Variants in ARHGAP6 observed in about 807,000 individuals in gnomAD.
ARHGAP6 encodes the protein rho GTPase-activating protein 6.
A neutral mutation model predicts 55.7 loss-of-function variants in ARHGAP6; 16 were observed. The ratio of observed to expected loss-of-function variants is 0.29; its 90% confidence interval spans 0.19 to 0.44. The LOEUF is 0.44. Ranked by LOEUF, ARHGAP6 falls within the 20% of genes least tolerant of loss-of-function variation. The pLI, the probability that ARHGAP6 is intolerant of heterozygous loss-of-function variation, is 1.00. For missense variants in ARHGAP6, 698 were observed against 808.9 expected, an observed-to-expected ratio of 0.86 and a Z score of 1.66; for synonymous variants, 382 against 360.9, an observed-to-expected ratio of 1.06 and a Z score of -0.66.
chrX:11,397,537 A>G (rs1030081178), intron 1 of ARHGAP6, among the ~76,000 whole-genome samples: 1 of 111,873 alleles, frequency 8.9e-6, no homozygotes, highest in African/African-American at 3.2e-5. Flanking sequence ...GTGACAATGT[A>G]TATTTTATCT....
intron 1 of ARHGAP6, among the ~76,000 whole-genome samples, chrX:11,356,394 C>T (rs1767330958): frequency 9.0e-6 from 1 of 111,665 alleles, no homozygotes; most frequent in Non-Finnish European, 1.9e-5. Context: ...CAAACCTGCA[C>T]ATTCTGCACA....
intron 1 of ARHGAP6, among the ~76,000 whole-genome samples, chrX:11,447,245 A>G (rs1008580880): frequency 8.9e-6 from 1 of 112,467 alleles, no homozygotes; most frequent in Non-Finnish European, 1.9e-5. Context: ...ATCTGTAGTT[A>G]GAACCTTCCA....
intron 1 of ARHGAP6, among the ~76,000 whole-genome samples, chrX:11,443,562 T>C (rs913018735): frequency 9.8e-5 from 11 of 112,071 alleles, no homozygotes; most frequent in Non-Finnish European, 1.3e-4. Flanking sequence ...ATGCTTGATA[T>C]TGTCAGCTCT....
Position 11,403,133 on chromosome X carries a change from C to T in ARHGAP6, c.589-148426G>A, listed in dbSNP as rs890834851. ...TACTACGAAATGTGAAAACACAGCT[C>T]TGTATCCTCCCCACCTGTGAAGATA... On this transcript the variant is annotated intron_variant, in intron 1 of 12. Coordinates refer to ENST00000337414, the MANE Select transcript of ARHGAP6 (RefSeq NM_013427.3). Among the ~76,000 whole-genome samples the T allele has an allele frequency of 4.5e-5, 5 of 111,859 alleles. No homozygotes were observed. The Admixed American group carries it at 4.8e-4, about 11-fold the overall frequency.
At chrX:11,593,594 A>G (rs983322377) in intron 1 of ARHGAP6, among the ~76,000 whole-genome samples, 13 of 112,025 alleles carry the variant, frequency 1.2e-4, no homozygotes, top group African/African-American at 4.2e-4. Flanking sequence ...TTTGGGTGAT[A>G]AAGATATGTC....
intron 1 of ARHGAP6, among the ~76,000 whole-genome samples, chrX:11,356,684 T>G (rs930416944): frequency 5.4e-5 from 6 of 111,549 alleles, no homozygotes; most frequent in African/African-American, 2.0e-4. Context: ...TAATGTCTGA[T>G]GGGACATTAA....
intron 1 of ARHGAP6, among the ~76,000 whole-genome samples, chrX:11,286,319 C>T (rs765214677): frequency 1.9e-4 from 21 of 110,653 alleles, no homozygotes; most frequent in African/African-American, 5.9e-4. Flanking sequence ...TTTTAGTGAC[C>T]GAAAAAATGA....
intron 1 of ARHGAP6, among the ~76,000 whole-genome samples, chrX:11,551,822 A>T (rs188126422): frequency 8.9e-6 from 1 of 111,811 alleles, no homozygotes; most frequent in Non-Finnish European, 1.9e-5. Flanking sequence ...CAAACCATTA[A>T]AACTAGGAGA....
intron 1 of ARHGAP6, among the ~76,000 whole-genome samples, chrX:11,269,669 T>A (rs1324758294): frequency 2.7e-5 from 3 of 111,957 alleles, no homozygotes; most frequent in African/African-American, 9.7e-5. Context: ...GTTCATCTGC[T>A]GCCTTACAGT....
chrX:11,615,869 C>A (rs549496873), intron 1 of ARHGAP6, among the ~76,000 whole-genome samples: 3 of 111,938 alleles, frequency 2.7e-5, no homozygotes, highest in Middle Eastern at 4.6e-3. Flanking sequence ...GAGGATGAAA[C>A]TATGTTAACA....
At chrX:11,382,378 ATAAT>A (rs1241338173) in intron 1 of ARHGAP6, among the ~76,000 whole-genome samples, 2 of 111,633 alleles carry the variant, frequency 1.8e-5, no homozygotes, top group East Asian at 5.6e-4. Context: ...TATATTAATA[ATAAT>A]TAAATAAAGA....
chrX:11,188,342 T>G lies in ARHGAP6; in HGVS notation c.1077+386A>C, dbSNP rs73494716. On this transcript the variant is annotated intron_variant, in intron 4 of 12. Coordinates refer to ENST00000337414, the MANE Select transcript of ARHGAP6 (RefSeq NM_013427.3). The stretch of plus-strand genomic sequence containing the variant: ...CACCGCCAATTCATTTGGCCAGGCA[T>G]GTTCTCAGACTGGTGATGAAGAAAG... Among the ~76,000 whole-genome samples, 600 of 112,408 alleles carry G rather than the reference T, an allele frequency of 5.3e-3. 5 individuals are homozygous for G. The highest frequency in any genetic ancestry group is 0.018 in the African/African-American group (552 of 30,953).
At position 11,453,854 on chromosome X, in the gene ARHGAP6, T is replaced by A. The variant is rs141447932; in HGVS notation, c.589-199147A>T. Among the ~76,000 whole-genome samples the A allele has an allele frequency of 5.4e-5, 6 of 112,148 alleles. No homozygotes were observed. In the East Asian group the frequency reaches 1.7e-3, roughly 31 times the overall value. On this transcript the variant is annotated intron_variant, in intron 1 of 12. Transcript: ENST00000337414. ...CATTTTAAGATGCATTAATAATGTA[T>A]CTTCCTGAGAAATCTCTTGTGGTTT...
At chrX:11,204,893 G>A (rs1406989963) in intron 2 of ARHGAP6, among the ~76,000 whole-genome samples, 1 of 111,976 alleles carries the variant, frequency 8.9e-6, no homozygotes, top group Non-Finnish European at 1.9e-5. Context: ...GACCTCCACT[G>A]TTTCCATGTG....
rs2048134522 is a variant in ARHGAP6, at chrX:11,299,059, A to T, written c.589-44352T>A. 3.8e-6 allele frequency: 4 copies of T among 1,053,588 alleles called. No homozygotes were observed. In the Admixed American group the frequency reaches 1.0e-4, roughly 27 times the overall value. 86.8% of individuals were successfully genotyped at this position (1,053,588 alleles called of 1,213,427 possible). A position where few individuals can be genotyped will look rare whatever the true frequency, so the allele number is the denominator to read the frequency against. On this transcript the variant is annotated intron_variant, in intron 1 of 12. Coordinates refer to ENST00000337414, the MANE Select transcript of ARHGAP6 (RefSeq NM_013427.3). ...CCCCAGAGTTCTAAGGTCTCCGACAACCAAGGATCTAGAGTTGTAGTAGTT... is the reference window on the plus strand; with the variant it reads ...CCCCAGAGTTCTAAGGTCTCCGACATCCAAGGATCTAGAGTTGTAGTAGTT...
intron 1 of ARHGAP6, among the ~76,000 whole-genome samples, chrX:11,415,322 G>T (rs1879522001): frequency 9.0e-6 from 1 of 111,131 alleles, no homozygotes; most frequent in African/African-American, 3.3e-5. Flanking sequence ...TGTCTACTCA[G>T]TCTTTCTCCA....
chrX:11,448,076 C>T (rs1280810854), intron 1 of ARHGAP6, among the ~76,000 whole-genome samples: 1 of 112,507 alleles, frequency 8.9e-6, no homozygotes, highest in African/African-American at 3.2e-5. Context: ...CTTCTCCACA[C>T]TTATGCTTTC....
At chrX:11,309,186 T>C (rs1243386768) in intron 1 of ARHGAP6, among the ~76,000 whole-genome samples, 2 of 112,046 alleles carry the variant, frequency 1.8e-5, no homozygotes, top group Non-Finnish European at 3.8e-5. Flanking sequence ...GGTCCTACCT[T>C]GCTTCTAGCA....
In ARHGAP6 at chrX:11,657,020, G is replaced by A. The variant is rs191162641; in HGVS notation, c.588+7221C>T. Among the ~76,000 whole-genome samples the A allele has an allele frequency of 1.8e-3, 204 of 112,061 alleles. 1 individual carries two copies. The highest frequency in any genetic ancestry group is 3.4e-3 in the Non-Finnish European group (179 of 53,218). The stretch of plus-strand genomic sequence containing the variant: ...CATTCCTAGTGTCCATTGCATAGCT[G>A]GCATGCGATAAATATTTGATGACTA... On this transcript the variant is annotated intron_variant, in intron 1 of 12. Coordinates refer to ENST00000337414, the MANE Select transcript of ARHGAP6 (RefSeq NM_013427.3).
Sources: allele counts gnomAD v4.1 joint callset (sites outside exome capture counted in the v4.1 genomes callset), GRCh38; gene constraint gnomAD v4.1.1; transcripts MANE v1.5; gene names NCBI Gene and HGNC (gene_info 2026-07-23, HGNC 2026-07-21).